The following OTOGL variants were observed in gnomAD, a reference collection of about 807,000 sequenced individuals.
The protein encoded by OTOGL is otogelin like.
In OTOGL, 285 loss-of-function variants were observed where a neutral mutation model predicts 318.5. The ratio of observed to expected loss-of-function variants is 0.89; its 90% CI spans 0.81 to 0.99. OTOGL has a LOEUF of 0.99. Among genes scored for constraint, OTOGL ranks in the 50% least tolerant of loss-of-function variants. The pLI is 0.00. For synonymous variants in OTOGL, 987 were observed against 936.5 expected, an observed-to-expected ratio of 1.05 and a Z score of -0.99; for missense variants, 2,899 against 2,845.6, an observed-to-expected ratio of 1.02 and a Z score of -0.43.
At chr12:80,198,204 T>C (rs555847831) in intron 1 of OTOGL, among the ~76,000 whole-genome samples, 39 of 152,232 alleles carry the variant, frequency 2.6e-4, no homozygotes, top group Non-Finnish European at 5.4e-4. Flanking sequence ...AAGTCTCTTC[T>C]GCTGTTCAAG....
Position 80,377,219 on chromosome 12 carries a change from C to T in OTOGL, c.6861+17C>T. 6.4e-7 allele frequency: 1 copy of T among 1,559,840 alleles called. No individual in the cohort carries two copies. Among genetic ancestry groups the T allele is most frequent in the Non-Finnish European group, 8.8e-7 (1 of 1,140,540 alleles). On this transcript the variant is annotated intron_variant, in intron 58 of 58. Transcript: ENST00000547103. ...CAAAGCCCTGTAAGTGGAAAAATGT[C>T]ATTTGCTACATAAATGCACACATCT... is the stretch of plus-strand genomic sequence containing the variant.
At position 80,211,987 on chromosome 12, in the gene OTOGL, T is replaced by A. The variant is rs1355605133; in HGVS notation, c.158T>A (p.Leu53Ter). 1 of 1,577,224 alleles carries A rather than the reference T, an allele frequency of 6.3e-7. No individual in the cohort carries two copies. Among genetic ancestry groups the A allele is most frequent in the East Asian group, 2.3e-5 (1 of 44,172 alleles). The change falls in exon 4 of 59, where the codon TTA (leucine) becomes TAA (stop). Residue 53 changes from leucine (L) to a stop codon, truncating the protein, a stop_gained. Coordinates refer to ENST00000547103, the MANE Select transcript of OTOGL (RefSeq NM_001378609.3). LOFTEE classifies it high-confidence loss of function. ...GAAAATCGACAGAAAAGAGCTCTTT[T>A]AGCAGCACAGGTAGGTTATGCTTCA... ...FNENRQKRAL[L>*]AAQFEATSPR...
At chr12:80,150,948 G>A (rs1244408861) in intron 1 of OTOGL, among the ~76,000 whole-genome samples, 2 of 152,118 alleles carry the variant, frequency 1.3e-5, no homozygotes, top group Non-Finnish European at 2.9e-5. Flanking sequence ...AATAATATTT[G>A]ATTTTGGCAA....
chr12:80,372,388 A>G (rs1208752632), intron 57 of OTOGL, among the ~76,000 whole-genome samples: 2 of 151,994 alleles, frequency 1.3e-5, no homozygotes, highest in Admixed American at 1.3e-4. Context: ...GTATTTCATA[A>G]GATTTCAGTA....
chr12:80,149,597 C>T (rs1872638497), intron 1 of OTOGL, among the ~76,000 whole-genome samples: 1 of 152,276 alleles, frequency 6.6e-6, no homozygotes, highest in South Asian at 2.1e-4. Context: ...GGGCTCCACC[C>T]AGTTCGAGCT....
intron 37 of OTOGL, 142 bp from the exon 38 acceptor site, chr12:80,332,860 CTAT>C (rs1162710721): frequency 6.3e-6 from 4 of 635,464 alleles, no homozygotes; most frequent in Non-Finnish European, 1.1e-5. Context: ...AATGTCGATA[CTAT>C]TATTACCAAC....
At chr12:80,332,604 A>G (rs867034237) in intron 37 of OTOGL, among the ~76,000 whole-genome samples, 6 of 152,348 alleles carry the variant, frequency 3.9e-5, no homozygotes, top group African/African-American at 1.4e-4. Flanking sequence ...TCAAGGGGTC[A>G]GCCTTATTAC....
intron 1 of OTOGL, among the ~76,000 whole-genome samples, chr12:80,121,913 A>C (rs1565867697): frequency 6.6e-6 from 1 of 152,202 alleles, no homozygotes; most frequent in Admixed American, 6.6e-5. Flanking sequence ...CAAGAAATGC[A>C]CAGAGAAATG....
Position 80,159,480 on chromosome 12 carries a change from C to T in OTOGL, c.-19-49933C>T, listed in dbSNP as rs540013279. Among the ~76,000 whole-genome samples the T allele has an allele frequency of 4.2e-3, 634 of 151,646 alleles. 5 individuals carry two copies. The highest frequency in any genetic ancestry group is 0.015 in the African/African-American group (609 of 41,416). On this transcript the variant is annotated intron_variant, in intron 1 of 58. Coordinates refer to ENST00000547103, the MANE Select transcript of OTOGL (RefSeq NM_001378609.3). Reference sequence around the variant, plus strand: ...CAGTCCTGGACTTTTTTTGGTTGGTCTTTTTTTTATTACCATTTCAATCTT... The same window carrying T: ...CAGTCCTGGACTTTTTTTGGTTGGTTTTTTTTTTATTACCATTTCAATCTT...
chr12:80,157,406 G>A (rs1873196519), intron 1 of OTOGL, among the ~76,000 whole-genome samples: 1 of 152,012 alleles, frequency 6.6e-6, no homozygotes, highest in Non-Finnish European at 1.5e-5. Flanking sequence ...TCTTCACTTT[G>A]CTGTGCAGAA....
intron 43 of OTOGL, among the ~76,000 whole-genome samples, chr12:80,341,170 C>G (rs957647075): frequency 1.3e-5 from 2 of 152,062 alleles, no homozygotes; most frequent in Non-Finnish European, 2.9e-5. Flanking sequence ...GGTCTCATTA[C>G]TTTCCTTGGC....
intron 44 of OTOGL, 90 bp downstream of exon 44, chr12:80,342,252 T>G: frequency 4.9e-6 from 5 of 1,025,754 alleles, no homozygotes; most frequent in Non-Finnish European, 7.0e-6. Context: ...ATAATGTTCT[T>G]CTACTGAGAA....
chr12:80,352,613 T>C (rs1020873083), intron 45 of OTOGL, among the ~76,000 whole-genome samples, 177 bp downstream of exon 45: 1 of 152,202 alleles, frequency 6.6e-6, no homozygotes, highest in Non-Finnish European at 1.5e-5. Flanking sequence ...CAGTCACACA[T>C]GAAGCTCCCT....
chr12:80,115,660 C>T (rs1040296431), intron 1 of OTOGL, among the ~76,000 whole-genome samples: 1 of 152,194 alleles, frequency 6.6e-6, no homozygotes, highest in Non-Finnish European at 1.5e-5. Context: ...CGTTGCTTCC[C>T]CCCAGGTGCT....
intron 1 of OTOGL, among the ~76,000 whole-genome samples, chr12:80,113,361 T>A (rs189297191): frequency 1.3e-5 from 2 of 152,320 alleles, no homozygotes; most frequent in Non-Finnish European, 1.5e-5. Flanking sequence ...CAATTTTAGA[T>A]CTTTCCTGCT....
chr12:80,364,109 A>G (rs1196218501), intron 52 of OTOGL, among the ~76,000 whole-genome samples: 1 of 152,146 alleles, frequency 6.6e-6, no homozygotes, highest in African/African-American at 2.4e-5. Context: ...AATGACTTTT[A>G]TATTATTAGC....
intron 4 of OTOGL, among the ~76,000 whole-genome samples, chr12:80,214,377 C>T (rs1252028309): frequency 1.3e-5 from 2 of 152,178 alleles, no homozygotes; most frequent in Non-Finnish European, 2.9e-5. Context: ...AGAATGCGTC[C>T]TAGAATAATT....
At chr12:80,252,716 A>G (rs1202573736) in intron 13 of OTOGL, among the ~76,000 whole-genome samples, 3 of 152,186 alleles carry the variant, frequency 2.0e-5, no homozygotes, top group Admixed American at 6.5e-5. Context: ...AAAAAATAGA[A>G]TCACAGAGAT....
At chr12:80,155,693 A>G (rs1040207049) in intron 1 of OTOGL, among the ~76,000 whole-genome samples, 5 of 152,240 alleles carry the variant, frequency 3.3e-5, no homozygotes, top group African/African-American at 1.2e-4. Context: ...CTGTTGTGCT[A>G]TCACATACTA....
Sources: gnomAD v4.1 joint callset for allele counts (sites outside exome capture counted in the v4.1 genomes callset) on GRCh38, gnomAD v4.1.1 for gene constraint, MANE v1.5 for transcripts, NCBI Gene and HGNC (gene_info 2026-07-23, HGNC 2026-07-21) for gene names.